The following COL5A1 variants were observed in gnomAD, a reference collection of about 807,000 sequenced individuals.
The protein encoded by COL5A1 is collagen type V alpha 1 chain.
In COL5A1, 16 loss-of-function variants were observed where a neutral mutation model predicts 263.7. The ratio of observed to expected loss-of-function variants is 0.06; its 90% CI spans 0.04 to 0.09. The LOEUF (loss-of-function observed/expected upper bound fraction) is 0.09, where lower values mean the gene tolerates loss of function less well. Ranked by LOEUF, COL5A1 falls within the 10% of genes least tolerant of loss-of-function variation. The probability of loss-of-function intolerance (pLI) is 1.00; values close to 1 mark genes in which losing one functional copy is unlikely to be tolerated. For synonymous variants in COL5A1, 1,012 were observed against 1,004.5 expected (o/e 1.01, Z -0.14); for missense variants, 2,036 against 2,540.5 (o/e 0.80, Z 4.27).
At chr9:134,656,382 G>A (rs1277855423) in intron 1 of COL5A1, among the ~76,000 whole-genome samples, 1 of 152,202 alleles carries the variant, frequency 6.6e-6, no homozygotes, top group African/African-American at 2.4e-5. Flanking sequence ...GGGAAGCAGT[G>A]ATTCTCAGGG....
chr9:134,719,012 C>T (rs540212606), intron 4 of COL5A1, among the ~76,000 whole-genome samples: 21 of 152,260 alleles, frequency 1.4e-4, no homozygotes, highest in African/African-American at 4.1e-4. Context: ...AGGCGGTGCA[C>T]GCTGAGGATA....
intron 4 of COL5A1, among the ~76,000 whole-genome samples, chr9:134,701,901 C>G (rs1833688770): frequency 1.3e-5 from 2 of 152,242 alleles, no homozygotes; most frequent in Non-Finnish European, 2.9e-5. Flanking sequence ...GGGACCCTCA[C>G]TTCAGCCCAT....
At chr9:134,673,889 T>A (rs1832615015) in intron 1 of COL5A1, among the ~76,000 whole-genome samples, 1 of 152,162 alleles carries the variant, frequency 6.6e-6, no homozygotes, top group Non-Finnish European at 1.5e-5. Flanking sequence ...ATGACCCCAC[T>A]TAAAACTGGG....
At chr9:134,827,952 T>G (rs1177557379) in intron 63 of COL5A1, among the ~76,000 whole-genome samples, 1 of 152,148 alleles carries the variant, frequency 6.6e-6, no homozygotes, top group Non-Finnish European at 1.5e-5. Context: ...GACACCCCTT[T>G]CCTCCAGGGG....
intron 2 of COL5A1, among the ~76,000 whole-genome samples, chr9:134,697,865 C>A (rs922851397): frequency 1.1e-4 from 17 of 152,112 alleles, no homozygotes; most frequent in African/African-American, 4.1e-4. Context: ...GGGTGGATCA[C>A]CTGAGGTCAG....
chr9:134,662,620 C>G (rs1832244138), intron 1 of COL5A1, among the ~76,000 whole-genome samples: 1 of 152,192 alleles, frequency 6.6e-6, no homozygotes, highest in African/African-American at 2.4e-5. Flanking sequence ...AAGAGAGCAG[C>G]CCAGATGGAA....
intron 38 of COL5A1, among the ~76,000 whole-genome samples, chr9:134,802,325 C>T (rs1838144592): frequency 1.3e-5 from 2 of 152,220 alleles, no homozygotes; most frequent in Admixed American, 1.3e-4. Flanking sequence ...GCAGCCGAGT[C>T]CTCCTGCCAC....
At position 134,789,239 on chromosome 9, in the gene COL5A1, C is replaced by G; in HGVS notation, c.2700+31C>G. 2.5e-6 allele frequency: 4 copies of G among 1,595,966 alleles called. No individual in the cohort carries two copies. Among genetic ancestry groups the G allele is most frequent in the Non-Finnish European group, 3.4e-6 (4 of 1,165,524 alleles). On this transcript the variant is annotated intron_variant, in intron 32 of 65. Transcript: ENST00000371817. This position sits in a 1 kb window ranked among gnomAD's most constrained non-coding sequence, Gnocchi z 4.8. ...GATAGCCTGGCCCCTGGGCAGGCAG[C>G]TTGTTCGGCTGCCTCGGTGCCTAGC...
At chr9:134,811,625 G>A (rs766384182) in intron 46 of COL5A1, 26 bp downstream of exon 46, 18 of 1,506,826 alleles carry the variant, frequency 1.2e-5, no homozygotes, top group East Asian at 9.8e-5. Flanking sequence ...TCACCACACC[G>A]GGCTCCTCCG....
At chr9:134,772,663 C>T (rs1836902388) in intron 25 of COL5A1, 127 bp from the exon 26 acceptor site, 1 of 1,048,860 alleles carries the variant, frequency 9.5e-7, no homozygotes, top group Non-Finnish European at 1.5e-6. Context: ...ACTTCTGGTG[C>T]TCTCAGTTTT....
rs550867539 is a variant in COL5A1, at chr9:134,696,023, C to T, written c.278-3886C>T. ...CCTGCCATGCTCCCCTTAGCCCGGCCCCTCCTGGGCTGCCAGGGTCCAGCT... is the reference window on the plus strand; with the variant it reads ...CCTGCCATGCTCCCCTTAGCCCGGCTCCTCCTGGGCTGCCAGGGTCCAGCT... On this transcript the variant is annotated intron_variant, in intron 2 of 65. Coordinates refer to ENST00000371817, the MANE Select transcript of COL5A1 (RefSeq NM_000093.5). The surrounding 1 kb of genome is among the most constrained non-coding windows in gnomAD (Gnocchi z 4.3). 3.1e-4 allele frequency among the ~76,000 whole-genome samples: 47 copies of T among 152,252 alleles called. No individual in the cohort carries two copies. Among genetic ancestry groups the T allele is most frequent in the African/African-American group, 1.0e-3 (42 of 41,538 alleles).
At position 134,758,418 on chromosome 9, in the gene COL5A1, A is replaced by C; in HGVS notation, c.1935+122A>C. On this transcript the variant is annotated intron_variant, in intron 18 of 65. Coordinates refer to ENST00000371817, the MANE Select transcript of COL5A1 (RefSeq NM_000093.5). The surrounding 1 kb of genome is among the most constrained non-coding windows in gnomAD (Gnocchi z 4.1). ...GGGGTCAGGTCTCCGCCATTCCAACAGTCAGTATACAAACCTCACGGGAGT... is the reference window on the plus strand; with the variant it reads ...GGGGTCAGGTCTCCGCCATTCCAACCGTCAGTATACAAACCTCACGGGAGT... 1.0e-6 allele frequency: 1 copy of C among 979,672 alleles called. No individual in the cohort carries two copies. Among genetic ancestry groups the C allele is most frequent in the Non-Finnish European group, 1.6e-6 (1 of 624,702 alleles). The allele number at this position is 979,672 out of a possible 1,614,324, so 60.7% of individuals were successfully genotyped here. A position where few individuals can be genotyped will look rare whatever the true frequency, so the allele number is the denominator to read the frequency against.
intron 29 of COL5A1, among the ~76,000 whole-genome samples, chr9:134,784,042 G>A (rs1295938494): frequency 6.6e-6 from 1 of 152,190 alleles, no homozygotes; most frequent in Non-Finnish European, 1.5e-5. Context: ...GGATGCAGGG[G>A]TGGGACCCAT....
rs4401948 is a variant in COL5A1 at position 134,698,981 on chromosome 9, C to T, written c.278-928C>T. 3.4e-3 allele frequency among the ~76,000 whole-genome samples: 517 copies of T among 152,266 alleles called. 4 individuals are homozygous for T. Among genetic ancestry groups the T allele is most frequent in the African/African-American group, 0.011 (456 of 41,548 alleles). ...TCCTGGGACACCGCTCCTTCTGGCC[C>T]GTTCTGAGCAGCCCACAGCCTTAGG... On this transcript the variant is annotated intron_variant, in intron 2 of 65. Transcript: ENST00000371817.
Position 134,785,152 on chromosome 9 carries a change from C to A in COL5A1, c.2592+56C>A, listed in dbSNP as rs796376182. On this transcript the variant is annotated intron_variant, in intron 30 of 65. Coordinates refer to ENST00000371817, the MANE Select transcript of COL5A1 (RefSeq NM_000093.5). ...TTGGGAGGGATCTGACAGGCCCTTC[C>A]CCATGGCCTCGGGCTCCCGTTGGCT... The A allele has an allele frequency of 1.2e-5, 18 of 1,443,172 alleles. No homozygotes were observed. In the African/African-American group the frequency reaches 1.7e-4, roughly 13 times the overall value. The allele number at this position is 1,443,172 out of a possible 1,614,324, so 89.4% of individuals were successfully genotyped here. A position where few individuals can be genotyped will look rare whatever the true frequency, so the allele number is the denominator to read the frequency against.
intron 1 of COL5A1, among the ~76,000 whole-genome samples, chr9:134,651,159 T>TTTC (rs1196419025): frequency 1.4e-4 from 22 of 152,306 alleles, no homozygotes; most frequent in Admixed American, 3.9e-4. Context: ...TCTGCCTCGG[T>TTTC]TTCTTCTTCT....
chr9:134,798,573 A>AG lies in COL5A1; in HGVS notation c.2952+112_2952+113insG. ...CTAGGACCCTCCTGGCCTGGGAGAG[A>AG]CAGGTTGGCCTCAGAAAGGCTCCCA... is the stretch of plus-strand genomic sequence containing the variant. On this transcript the variant is annotated intron_variant, in intron 37 of 65. Transcript: ENST00000371817. 6.6e-6 allele frequency: 2 copies of AG among 305,020 alleles called. 1 individual carries two copies. The highest frequency in any genetic ancestry group is 1.1e-4 in the South Asian group (2 of 17,872). 18.9% of individuals were successfully genotyped at this position (305,020 alleles called of 1,614,324 possible). A position where few individuals can be genotyped will look rare whatever the true frequency, so the allele number is the denominator to read the frequency against.
rs73563930 is a variant in COL5A1, at chr9:134,841,729, C to T, written c.5371-428C>T. On this transcript the variant is annotated intron_variant, in intron 65 of 65. Coordinates refer to ENST00000371817, the MANE Select transcript of COL5A1 (RefSeq NM_000093.5). This position sits in a 1 kb window ranked among gnomAD's most constrained non-coding sequence, Gnocchi z 4.8. ...CCTTCCTTTTCGAACCTGGAGCCCC[C>T]GTTTGATTTTCCAGTGTGCCCTGCT... 0.083 allele frequency among the ~76,000 whole-genome samples: 12,686 copies of T among 152,138 alleles called. 1,547 individuals are homozygous for T. The highest frequency in any genetic ancestry group is 0.27 in the African/African-American group (11,247 of 41,450).
intron 1 of COL5A1, among the ~76,000 whole-genome samples, chr9:134,664,466 C>T (rs1472220169): frequency 6.6e-6 from 1 of 152,230 alleles, no homozygotes; most frequent in Non-Finnish European, 1.5e-5. Flanking sequence ...GGGGGTCGAC[C>T]TGCAAGGAAC....
Sources: gnomAD v4.1 joint callset for allele counts (sites outside exome capture counted in the v4.1 genomes callset) on GRCh38, gnomAD v4.1.1 for gene constraint, Gnocchi (gnomAD v3.1) non-coding constraint, MANE v1.5 for transcripts, NCBI Gene and HGNC (gene_info 2026-07-23, HGNC 2026-07-21) for gene names.